The following KARS1 variants were observed in gnomAD, a reference collection of about 807,000 sequenced individuals.
KARS1 encodes the protein lysine--tRNA ligase.
Under a neutral mutation model 63.9 loss-of-function variants are expected in KARS1, and 50 were observed. The observed-to-expected ratio is 0.78, with a 90% CI of 0.62 to 0.99. The LOEUF is 0.99. Ranked by LOEUF, KARS1 falls within the 50% of genes least tolerant of loss-of-function variation. KARS1 has a pLI of 0.00. For missense variants in KARS1, 816 were observed against 754.5 expected, an observed-to-expected ratio of 1.08 and a Z score of -0.95; for synonymous variants, 320 against 264.6, an observed-to-expected ratio of 1.21 and a Z score of -2.03.
At chr16:75,628,015 C>T (rs2082070399) in intron 13 of KARS1, 22 bp from the exon 14 acceptor site, 3 of 1,409,530 alleles carry the variant, frequency 2.1e-6, no homozygotes, top group Non-Finnish European at 3.0e-6. Flanking sequence ...AAGAATGTAC[C>T]TTGAAGCTGA....
chr16:75,628,073 C>T (rs2082070835), intron 13 of KARS1, 80 bp from the exon 14 acceptor site: 1 of 868,128 alleles, frequency 1.2e-6, no homozygotes, highest in Non-Finnish European at 2.0e-6. Flanking sequence ...TTCCTCTTGC[C>T]TCTGTTGTTA....
At chr16:75,644,426 C>A (rs1331058175) in intron 1 of KARS1, 1 of 1,610,114 alleles carries the variant, frequency 6.2e-7, no homozygotes. Flanking sequence ...CTTGCGTCAA[C>A]ATGGCAGAGC....
rs749026592 is a variant in KARS1, at chr16:75,631,372, G to A, written c.1252+44C>T. ...ACCCAATCAAATTCAGAGCTGAACA[G>A]GAAGGAGGGCCTTACAACGGAGGAG... On this transcript the variant is annotated intron_variant, in intron 9 of 13. Transcript: ENST00000302445. 4 of 1,604,426 alleles carry A rather than the reference G, an allele frequency of 2.5e-6. No individual in the cohort carries two copies. The South Asian group carries it at 3.3e-5, about 13-fold the overall frequency.
At chr16:75,640,139 C>G in intron 3 of KARS1, 45 bp downstream of exon 3, 1 of 1,566,302 alleles carries the variant, frequency 6.4e-7, no homozygotes, top group Non-Finnish European at 8.8e-7. Context: ...AGCCGCAGGC[C>G]TACCTGCTGT....
intron 7 of KARS1, among the ~76,000 whole-genome samples, chr16:75,632,396 A>T (rs2082123660): frequency 6.6e-6 from 1 of 152,178 alleles, no homozygotes; most frequent in Admixed American, 6.5e-5. Flanking sequence ...GGCATCCCCC[A>T]TCATTGAGTC....
Position 75,630,518 on chromosome 16 carries a change from A to G in KARS1, c.1339-10T>C. 3 of 1,567,454 alleles carry G rather than the reference A, an allele frequency of 1.9e-6. No homozygotes were observed. The highest frequency in any genetic ancestry group is 2.6e-6 in the Non-Finnish European group (3 of 1,138,024). Reference sequence around the variant, plus strand: ...GGAACTCCCCAACAAGCTTAATGAGAAAGCAAAGCAGAGTCAGTCACCATT... The same window carrying G: ...GGAACTCCCCAACAAGCTTAATGAGGAAGCAAAGCAGAGTCAGTCACCATT... On this transcript the variant is annotated splice_polypyrimidine_tract_variant and intron_variant, in intron 10 of 13. Transcript: ENST00000302445.
At chr16:75,641,418 C>G in intron 2 of KARS1, 146 bp downstream of exon 2, 1 of 681,066 alleles carries the variant, frequency 1.5e-6, no homozygotes, top group African/African-American at 1.8e-5. Flanking sequence ...GTGCCTTTAA[C>G]CAGATGCAGT....
At chr16:75,634,370 A>C (rs2082141720) in intron 6 of KARS1, 78 bp from the exon 7 acceptor site, 1 of 1,478,054 alleles carries the variant, frequency 6.8e-7, no homozygotes, top group Admixed American at 1.8e-5. Flanking sequence ...CATGTAATAT[A>C]GTCTAAGCCT....
chr16:75,640,062 G>T, intron 3 of KARS1, 122 bp downstream of exon 3: 1 of 815,304 alleles, frequency 1.2e-6, no homozygotes. Context: ...ACTGTCCTTA[G>T]TAAAGTAGCT....
intron 4 of KARS1, 64 bp from the exon 5 acceptor site, chr16:75,636,162 T>C: frequency 9.9e-7 from 1 of 1,009,138 alleles, no homozygotes; most frequent in Middle Eastern, 2.0e-4. Flanking sequence ...ACTGGTCTCC[T>C]CTGGAACCCT....
chr16:75,627,836 CT>C lies in KARS1; in HGVS notation c.*58del. 1 of 962,464 alleles carries C rather than the reference CT, an allele frequency of 1.0e-6. No homozygotes were observed. Among genetic ancestry groups the C allele is most frequent in the Non-Finnish European group, 1.7e-6 (1 of 585,274 alleles). The allele number at this position is 962,464 out of a possible 1,614,324, so 59.6% of individuals were successfully genotyped here. A position where few individuals can be genotyped will look rare whatever the true frequency, so the allele number is the denominator to read the frequency against. Reference sequence around the variant, plus strand: ...AGCACACAAGAATTCCCTTGCAGACCTTGATCTTTCGCAGAAATGCAAAGAC... The same window carrying C: ...AGCACACAAGAATTCCCTTGCAGACCTGATCTTTCGCAGAAATGCAAAGAC... On this transcript the variant is annotated 3_prime_UTR_variant, in exon 14 of 14. Coordinates refer to ENST00000302445, the MANE Select transcript of KARS1 (RefSeq NM_005548.3).
In KARS1 at chr16:75,636,055, G is replaced by A. The variant is rs148745967; in HGVS notation, c.526C>T (p.Leu176=). 3 of 1,605,796 alleles carry A rather than the reference G, an allele frequency of 1.9e-6. 1 individual carries two copies. The South Asian group carries it at 3.3e-5, about 18-fold the overall frequency. ...EEEFIHINNK[L]RRGDIIGVQG... ...ACTCCAATTATGTCTCCCCGACGCA[G>A]TTTGTTATTAATATGAATAAATTCT... Residue 176 remains leucine (L), a synonymous_variant, in exon 5 of 14, where the codon CTG becomes TTG. Coordinates refer to ENST00000302445, the MANE Select transcript of KARS1 (RefSeq NM_005548.3).
At chr16:75,645,148 TA>T (rs2151812961) in intron 1 of KARS1, among the ~76,000 whole-genome samples, 1 of 152,316 alleles carries the variant, frequency 6.6e-6, no homozygotes, top group South Asian at 2.1e-4. Context: ...TGGTGCTTAC[TA>T]AAAATTTCAG....
intron 1 of KARS1, among the ~76,000 whole-genome samples, chr16:75,645,643 T>C (rs1343963649): frequency 6.6e-6 from 1 of 152,106 alleles, no homozygotes; most frequent in Admixed American, 6.5e-5. Context: ...GCTCAGCAGT[T>C]TGACGCCAGC....
rs778438390 is a variant in KARS1 at position 75,628,564 on chromosome 16, C to T, written c.1695+5G>A. ...AAGTGTGCTCTGTGGAGGGTTGCTA[C>T]GTACCTTGATGTTGTTGGAGTCCGT... is the stretch of plus-strand genomic sequence containing the variant. On this transcript the variant is annotated splice_donor_5th_base_variant and intron_variant, in intron 13 of 13. Coordinates refer to ENST00000302445, the MANE Select transcript of KARS1 (RefSeq NM_005548.3). The T allele has an allele frequency of 2.4e-5, 39 of 1,613,396 alleles. No individual in the cohort carries two copies. The highest frequency in any genetic ancestry group is 1.8e-4 in the South Asian group (16 of 91,048).
Position 75,636,482 on chromosome 16 carries a change from C to G in KARS1, c.454G>C (p.Val152Leu). The change falls in exon 4 of 14, where the codon GTG becomes CTG. Residue 152 changes from valine to leucine, a missense_variant. Physicochemically the swap from Val to Leu is conservative, Grantham distance 32 (BLOSUM62 1). Coordinates refer to ENST00000302445, the MANE Select transcript of KARS1 (RefSeq NM_005548.3). ...LIFYDLRGEGVKLQVMANSRN... is the reference protein window; with the variant it reads ...LIFYDLRGEGLKLQVMANSRN... ...GAATTGGCCATGACTTGCAACTTCACCCCCTCTCCTCGAAGATCATAGAAG... is the reference window on the plus strand; with the variant it reads ...GAATTGGCCATGACTTGCAACTTCAGCCCCTCTCCTCGAAGATCATAGAAG... 6.2e-7 allele frequency: 1 copy of G among 1,612,866 alleles called. No individual in the cohort carries two copies. Among genetic ancestry groups the G allele is most frequent in the Non-Finnish European group, 8.5e-7 (1 of 1,178,902 alleles).
chr16:75,646,834 G>C (rs1458277773), intron 1 of KARS1, among the ~76,000 whole-genome samples: 4 of 151,868 alleles, frequency 2.6e-5, no homozygotes, highest in Non-Finnish European at 5.9e-5. Flanking sequence ...CTCTGGAATG[G>C]TACTATGTAC....
rs142528831 is a variant in KARS1 at position 75,639,900 on chromosome 16, G to A, written c.388+284C>T. 2.8e-4 allele frequency: 124 copies of A among 447,518 alleles called. 3 individuals are homozygous for A. The East Asian group carries it at 5.0e-3, about 18-fold the overall frequency. 27.7% of individuals were successfully genotyped at this position (447,518 alleles called of 1,614,324 possible). A position where few individuals can be genotyped will look rare whatever the true frequency, so the allele number is the denominator to read the frequency against. ...CAAAGCATTCTTAGGCCAAAGACTG[G>A]AATTCTTAGAAGCCTGAGACTTCTA... On this transcript the variant is annotated intron_variant, in intron 3 of 13. Transcript: ENST00000302445.
chr16:75,637,416 G>C (rs534127029), intron 3 of KARS1, among the ~76,000 whole-genome samples: 1 of 152,242 alleles, frequency 6.6e-6, no homozygotes, highest in African/African-American at 2.4e-5. Flanking sequence ...CAGGCTCACT[G>C]GGGGAGAGCA....
Sources: gnomAD v4.1 joint callset for allele counts (sites outside exome capture counted in the v4.1 genomes callset) on GRCh38, gnomAD v4.1.1 for gene constraint, MANE v1.5 for transcripts, NCBI Gene and HGNC (gene_info 2026-07-23, HGNC 2026-07-21) for gene names.